CCDC136: variants seen among roughly 807,000 people sequenced by gnomAD.
CCDC136 encodes coiled-coil domain containing 136.
CCDC136 carries 100 observed loss-of-function variants against 141.2 expected under a neutral mutation model. The ratio of observed to expected loss-of-function variants is 0.71; its 90% CI spans 0.60 to 0.84. The LOEUF (loss-of-function observed/expected upper bound fraction) is 0.84, where lower values mean the gene tolerates loss of function less well. Among genes scored for constraint, CCDC136 ranks in the 40% least tolerant of loss-of-function variants. CCDC136 has a pLI of 0.00. For synonymous variants in CCDC136, 474 were observed against 531.9 expected, an observed-to-expected ratio of 0.89 and a Z score of 1.50; for missense variants, 1,206 against 1,379.4, an observed-to-expected ratio of 0.87 and a Z score of 1.99.
chr7:128,806,765 G>A lies in CCDC136; in HGVS notation c.1326G>A (p.Arg442=), dbSNP rs1162365226. 6.2e-7 allele frequency: 1 copy of A among 1,611,316 alleles called. No homozygotes were observed. The highest frequency in any genetic ancestry group is 8.5e-7 in the Non-Finnish European group (1 of 1,179,356). Residue 442 remains arginine (R), a synonymous_variant, in exon 9 of 18, where the codon CGG becomes CGA. Coordinates refer to ENST00000297788, the MANE Select transcript of CCDC136 (RefSeq NM_022742.5). Reference sequence around the variant, plus strand: ...GTGAGAAGGAAAAGCTGCTGGAACGGCAGCAGCAGCTGCAGGAGGAGCTGC... The same window carrying A: ...GTGAGAAGGAAAAGCTGCTGGAACGACAGCAGCAGCTGCAGGAGGAGCTGC... The part of the protein sequence containing the change: ...VTCEKEKLLE[R]QQQLQEELQC...
chr7:128,810,407 C>A (rs1407950373), intron 12 of CCDC136, 41 bp downstream of exon 12: 8 of 1,424,468 alleles, frequency 5.6e-6, no homozygotes, highest in Non-Finnish European at 7.9e-6. Flanking sequence ...CTCCTGAGCA[C>A]AACAGCATGG....
chr7:128,794,758 G>A lies in CCDC136; in HGVS notation c.336G>A (p.Gln112=). ...CAGAGGTGTTCACCAAGCAGATCCAGCAGCTCCAAGGTAATTCCCAGGACT... is the reference window on the plus strand; with the variant it reads ...CAGAGGTGTTCACCAAGCAGATCCAACAGCTCCAAGGTAATTCCCAGGACT... The part of the protein sequence containing the change: ...QQAEVFTKQI[Q]QLQGELRSLR... The change falls in exon 3 of 18, where the codon CAG becomes CAA. Residue 112 remains glutamine, a synonymous_variant. Transcript: ENST00000297788. This position sits in a 1 kb window ranked among gnomAD's most constrained non-coding sequence, Gnocchi z 4.3. 2 of 1,551,698 alleles carry A rather than the reference G, an allele frequency of 1.3e-6. No homozygotes were observed. The highest frequency in any genetic ancestry group is 1.7e-6 in the Non-Finnish European group (2 of 1,146,958).
rs780212669 is a variant in CCDC136, at chr7:128,812,233, C to G, written c.2462C>G (p.Thr821Ser). The change falls in exon 13 of 18, where the codon ACC becomes AGC. Residue 821 changes from threonine (T) to serine (S), a missense_variant. Physicochemically the swap from Thr to Ser is moderately conservative, Grantham distance 58 (BLOSUM62 1). Coordinates refer to ENST00000297788, the MANE Select transcript of CCDC136 (RefSeq NM_022742.5). ...ACCTATAAGAAGAGTTACGGCAGCA[C>G]CAGTAGCTCTGACACCTGCCAGAAG... ...SITYKKSYGS[T>S]SSSDTCQKSF... 1 of 1,613,860 alleles carries G rather than the reference C, an allele frequency of 6.2e-7. No individual in the cohort carries two copies. The highest frequency in any genetic ancestry group is 8.5e-7 in the Non-Finnish European group (1 of 1,179,816).
chr7:128,791,323 GC>G (rs1166636088), upstream of CCDC136: 6 of 374,406 alleles, frequency 1.6e-5, no homozygotes, highest in African/African-American at 2.1e-5. The surrounding 1 kb of genome is among the most constrained non-coding windows in gnomAD (Gnocchi z 7.1). Flanking sequence ...GCTCCCGAGT[GC>G]TGGGAGGGCT....
At chr7:128,792,636 A>AC (rs1475595718) in intron 1 of CCDC136, among the ~76,000 whole-genome samples, 1 of 151,608 alleles carries the variant, frequency 6.6e-6, no homozygotes, top group Non-Finnish European at 1.5e-5. Context: ...GACCCCAATC[A>AC]CCCCCCAGCT....
chr7:128,791,022 CGT>C (rs1802107300), upstream of CCDC136: 1 of 153,734 alleles, frequency 6.5e-6, no homozygotes, highest in Non-Finnish European at 1.4e-5. The surrounding 1 kb of genome is among the most constrained non-coding windows in gnomAD (Gnocchi z 7.1). Context: ...GAGGGGCGCG[CGT>C]GTCTGCGCTT....
chr7:128,814,719 G>C lies in CCDC136; in HGVS notation c.2845G>C (p.Val949Leu), dbSNP rs918511762. 3.7e-6 allele frequency: 6 copies of C among 1,613,720 alleles called. No homozygotes were observed. The highest frequency in any genetic ancestry group is 4.2e-6 in the Non-Finnish European group (5 of 1,179,684). Residue 949 changes from valine to leucine, a missense_variant, in exon 15 of 18, where the codon GTG becomes CTG. Transcript: ENST00000297788. ...SMDEQGRLLV[V>L]QEQLEGQLQC... Reference sequence around the variant, plus strand: ...GGATGAGCAGGGGCGGCTTCTGGTAGTGCAGGAGCAGCTGGAGGGGCAGCT... The same window carrying C: ...GGATGAGCAGGGGCGGCTTCTGGTACTGCAGGAGCAGCTGGAGGGGCAGCT...
At chr7:128,804,071 C>T (rs1452570729) in intron 4 of CCDC136, among the ~76,000 whole-genome samples, 2 of 152,274 alleles carry the variant, frequency 1.3e-5, no homozygotes, top group East Asian at 3.9e-4. Context: ...CCACCTCGGC[C>T]TCCCAAAGTG....
chr7:128,800,970 T>G (rs1052372264), intron 3 of CCDC136, among the ~76,000 whole-genome samples: 7 of 152,346 alleles, frequency 4.6e-5, no homozygotes, highest in African/African-American at 1.7e-4. Flanking sequence ...AATCTACTTT[T>G]CTATTGGACC....
At chr7:128,799,088 C>T (rs1444593741) in intron 3 of CCDC136, among the ~76,000 whole-genome samples, 1 of 149,302 alleles carries the variant, frequency 6.7e-6, no homozygotes. Context: ...GTAATCCCAG[C>T]ACTTTGGGAA....
In CCDC136 at chr7:128,794,256, C is replaced by T; in HGVS notation, c.17-92C>T. Reference sequence around the variant, plus strand: ...ACACCAGGTGGCACTAGTATGTCATCTCTGCCCTGGCATAGTGAGTTTGAG... The same window carrying T: ...ACACCAGGTGGCACTAGTATGTCATTTCTGCCCTGGCATAGTGAGTTTGAG... On this transcript the variant is annotated intron_variant, in intron 1 of 17. Transcript: ENST00000297788. This position sits in a 1 kb window ranked among gnomAD's most constrained non-coding sequence, Gnocchi z 4.3. 6.5e-7 allele frequency: 1 copy of T among 1,534,430 alleles called. No homozygotes were observed. Among genetic ancestry groups the T allele is most frequent in the East Asian group, 2.4e-5 (1 of 40,826 alleles).
At chr7:128,809,880 A>G (rs1419112233) in intron 11 of CCDC136, among the ~76,000 whole-genome samples, 3 of 152,208 alleles carry the variant, frequency 2.0e-5, no homozygotes, top group East Asian at 1.9e-4. Flanking sequence ...AGCAGTTTAT[A>G]TTTAGGTATT....
chr7:128,815,179 C>G (rs1806405021), intron 15 of CCDC136, among the ~76,000 whole-genome samples: 2 of 152,214 alleles, frequency 1.3e-5, no homozygotes, highest in African/African-American at 2.4e-5. Context: ...TGGACAACTC[C>G]TTCAGTTTGC....
In CCDC136 at chr7:128,819,122, AC is replaced by A. The variant is rs550255319; in HGVS notation, c.*5+1264del. ...TCTCTATGACTGTTTCTCCCCTGTC[AC>A]CCCCCAGAAGTCTTAAGGCACTACG... On this transcript the variant is annotated intron_variant, in intron 17 of 17. Coordinates refer to ENST00000297788, the MANE Select transcript of CCDC136 (RefSeq NM_022742.5). Among the ~76,000 whole-genome samples the A allele has an allele frequency of 2.0e-4, 30 of 151,814 alleles. No homozygotes were observed. In the South Asian group the frequency reaches 6.2e-3, roughly 32 times the overall value.
At position 128,801,512 on chromosome 7, in the gene CCDC136, A is replaced by G; in HGVS notation, c.670+3A>G. On this transcript the variant is annotated splice_donor_region_variant and intron_variant, in intron 4 of 17. Transcript: ENST00000297788. ...CTCAGATTACTCTGGGTTACAAGGT[A>G]TGAGAGCCATCAAGTGGGTCAGTAA... is the stretch of plus-strand genomic sequence containing the variant. 6.3e-7 allele frequency: 1 copy of G among 1,585,778 alleles called. No individual in the cohort carries two copies. Among genetic ancestry groups the G allele is most frequent in the Non-Finnish European group, 8.6e-7 (1 of 1,160,130 alleles).
At chr7:128,791,141 G>T (rs9692403), upstream of CCDC136, among the ~76,000 whole-genome samples, 146 of 152,298 alleles carry the variant, frequency 9.6e-4, no homozygotes, top group African/African-American at 3.4e-3. The surrounding 1 kb of genome is among the most constrained non-coding windows in gnomAD (Gnocchi z 7.1). Flanking sequence ...ACCCCGGGGG[G>T]ACCCGCCGCC....
intron 15 of CCDC136, 64 bp downstream of exon 15, chr7:128,814,983 G>A (rs1806369605): frequency 7.4e-7 from 1 of 1,342,944 alleles, no homozygotes; most frequent in Non-Finnish European, 1.0e-6. Flanking sequence ...AAGAAGCATT[G>A]CCTCCACAAC....
rs1375633529 is a variant in CCDC136, at chr7:128,815,773, C to G, written c.3205C>G (p.Pro1069Ala). 1.9e-6 allele frequency: 3 copies of G among 1,577,006 alleles called. No individual in the cohort carries two copies. Among genetic ancestry groups the G allele is most frequent in the Non-Finnish European group, 2.6e-6 (3 of 1,161,964 alleles). ...TGAGCTAGTTGCTGAGCCAGCAGAT[C>G]CTGAGGAAGCTAAATCCACAGAAGA... ...GDELVAEPADPEEAKSTEDQE... is the reference protein window; with the variant it reads ...GDELVAEPADAEEAKSTEDQE... Residue 1069 changes from proline to alanine, a missense_variant, in exon 16 of 18, where the codon CCT (proline) becomes GCT (alanine). Physicochemically the swap from Pro to Ala is conservative, Grantham distance 27. Coordinates refer to ENST00000297788, the MANE Select transcript of CCDC136 (RefSeq NM_022742.5).
At chr7:128,809,372 G>T in intron 10 of CCDC136, 78 bp from the exon 11 acceptor site, 1 of 946,294 alleles carries the variant, frequency 1.1e-6, no homozygotes. Context: ...GCAGGAGAGC[G>T]CAGAAGTGCT....
Sources: gnomAD v4.1 joint callset for allele counts (sites outside exome capture counted in the v4.1 genomes callset) on GRCh38, gnomAD v4.1.1 for gene constraint, Gnocchi (gnomAD v3.1) non-coding constraint, MANE v1.5 for transcripts, NCBI Gene and HGNC (gene_info 2026-07-23, HGNC 2026-07-21) for gene names.